UNC5D: variants seen among roughly 807,000 people sequenced by gnomAD.
The protein encoded by UNC5D is netrin receptor UNC5D.
In UNC5D, 39 loss-of-function variants were observed where a neutral mutation model predicts 105.4. The ratio of observed to expected loss-of-function variants is 0.37; its 90% CI spans 0.29 to 0.48. The LOEUF (loss-of-function observed/expected upper bound fraction) is 0.48. UNC5D is among the 20% of genes least tolerant of loss of function. The probability of loss-of-function intolerance (pLI) is 0.98; values close to 1 mark genes in which losing one functional copy is unlikely to be tolerated. For missense variants in UNC5D, 991 were observed against 1,202.4 expected, an observed-to-expected ratio of 0.82 and a Z score of 2.60; for synonymous variants, 452 against 450.4, an observed-to-expected ratio of 1.00 and a Z score of -0.04.
intron 4 of UNC5D, among the ~76,000 whole-genome samples, chr8:35,619,831 A>C (rs1291368407): frequency 6.6e-6 from 1 of 152,166 alleles, no homozygotes; most frequent in Non-Finnish European, 1.5e-5. Flanking sequence ...TAGCAAGTCC[A>C]GGTCTGTCTT....
At chr8:35,644,650 T>C (rs1433814395) in intron 4 of UNC5D, among the ~76,000 whole-genome samples, 1 of 152,150 alleles carries the variant, frequency 6.6e-6, no homozygotes, top group African/African-American at 2.4e-5. Flanking sequence ...ATCATGCAGG[T>C]TGTCTGCAGC....
chr8:35,587,965 A>AATATGTATATAT (rs1554567952), intron 3 of UNC5D, among the ~76,000 whole-genome samples: 1 of 105,116 alleles, frequency 9.5e-6, no homozygotes, highest in Non-Finnish European at 2.0e-5. Context: ...TAACTATAAT[A>AATATGTATATAT]ATATATATAT....
intron 1 of UNC5D, among the ~76,000 whole-genome samples, chr8:35,522,736 TG>T (rs1813576605): frequency 6.6e-6 from 1 of 152,230 alleles, no homozygotes; most frequent in Non-Finnish European, 1.5e-5. Context: ...AATGTGAAAC[TG>T]GATGATCTCT....
intron 1 of UNC5D, among the ~76,000 whole-genome samples, chr8:35,341,805 GTTAA>G (rs1811475301): frequency 6.6e-6 from 1 of 152,092 alleles, no homozygotes; most frequent in African/African-American, 2.4e-5. Flanking sequence ...GATGATCATA[GTTAA>G]TTCTGTTTCA....
chr8:35,473,662 C>G (rs1160870448), intron 1 of UNC5D, among the ~76,000 whole-genome samples: 2 of 152,112 alleles, frequency 1.3e-5, no homozygotes, highest in Admixed American at 6.5e-5. Context: ...TTGAAACCAC[C>G]AGGATGATTA....
intron 1 of UNC5D, among the ~76,000 whole-genome samples, chr8:35,258,599 T>C (rs1804241564): frequency 6.6e-6 from 1 of 152,108 alleles, no homozygotes; most frequent in Non-Finnish European, 1.5e-5. Context: ...AATTAATATA[T>C]GCAAAGTATT....
intron 4 of UNC5D, among the ~76,000 whole-genome samples, chr8:35,657,074 GTGTGTGTATATATATATATATATATATA>G (rs1173408333): frequency 2.4e-3 from 233 of 96,584 alleles, no homozygotes; most frequent in African/African-American, 0.01. Flanking sequence ...GTGTGTGTGT[GTGTGTGTATATATATATATATATATATA>G]TATATATATA....
At chr8:35,510,390 C>T (rs1463026035) in intron 1 of UNC5D, among the ~76,000 whole-genome samples, 3 of 151,046 alleles carry the variant, frequency 2.0e-5, no homozygotes, top group Non-Finnish European at 2.9e-5. Context: ...GAACAAAGAC[C>T]AAATATGTAT....
chr8:35,410,719 C>G (rs761655442), intron 1 of UNC5D, among the ~76,000 whole-genome samples: 31 of 152,034 alleles, frequency 2.0e-4, no homozygotes, highest in Non-Finnish European at 4.1e-4. Context: ...CATATCAATA[C>G]TGCAGTGATG....
intron 4 of UNC5D, among the ~76,000 whole-genome samples, chr8:35,620,665 A>G (rs906151265): frequency 6.6e-6 from 1 of 152,140 alleles, no homozygotes; most frequent in Non-Finnish European, 1.5e-5. Context: ...TGCTGAGACC[A>G]TTATTTCTTT....
At chr8:35,425,602 C>T (rs1806195460) in intron 1 of UNC5D, among the ~76,000 whole-genome samples, 1 of 152,164 alleles carries the variant, frequency 6.6e-6, no homozygotes, top group African/African-American at 2.4e-5. Context: ...GTCAAATTGA[C>T]TTGCTCAAGG....
intron 1 of UNC5D, among the ~76,000 whole-genome samples, chr8:35,455,506 T>C (rs2128994032): frequency 6.6e-6 from 1 of 152,204 alleles, no homozygotes; most frequent in East Asian, 1.9e-4. Context: ...CTTGAACTCC[T>C]GATCTCAGGT....
chr8:35,693,375 G>C (rs1356253423), intron 7 of UNC5D, among the ~76,000 whole-genome samples: 4 of 152,016 alleles, frequency 2.6e-5, no homozygotes, highest in African/African-American at 9.7e-5. Context: ...CTATTTTTAT[G>C]CCTTGTTAAT....
At chr8:35,729,647 T>A (rs1829082240) in intron 10 of UNC5D, among the ~76,000 whole-genome samples, 1 of 152,172 alleles carries the variant, frequency 6.6e-6, no homozygotes. Flanking sequence ...GCAACTTGTG[T>A]TTAGCAGCAG....
chr8:35,772,966 G>A (rs1290049349), intron 15 of UNC5D, among the ~76,000 whole-genome samples: 1 of 151,962 alleles, frequency 6.6e-6, no homozygotes, highest in African/African-American at 2.4e-5. Context: ...TCATAGACTG[G>A]CTGTTTGCTT....
chr8:35,741,499 G>T (rs1295545573), intron 11 of UNC5D, among the ~76,000 whole-genome samples: 1 of 152,208 alleles, frequency 6.6e-6, no homozygotes, highest in African/African-American at 2.4e-5. Context: ...CTGCCCCTAT[G>T]AATGGACTAT....
rs140504228 is a variant in UNC5D, at chr8:35,595,654, C to T, written c.567C>T (p.Ala189=). 4.3e-5 allele frequency: 70 copies of T among 1,613,708 alleles called. No individual in the cohort carries two copies. Among genetic ancestry groups the T allele is most frequent in the South Asian group, 9.9e-5 (9 of 91,064 alleles). ...HCRPPEGVPA[A]EVEWLKNEEP... ...GCCCACCAGAGGGAGTCCCTGCTGC[C>T]GAGGTAAGACAGGATCCTGGGACCA... The change falls in exon 4 of 17, where the codon GCC becomes GCT. Residue 189 remains alanine, a synonymous_variant. Transcript: ENST00000404895.
chr8:35,466,548 T>A (rs1809316463), intron 1 of UNC5D, among the ~76,000 whole-genome samples: 1 of 152,132 alleles, frequency 6.6e-6, no homozygotes, highest in Non-Finnish European at 1.5e-5. Flanking sequence ...AGCTTTAGAG[T>A]CCTAAATGCC....
chr8:35,492,233 T>C (rs1290464874), intron 1 of UNC5D, among the ~76,000 whole-genome samples: 1 of 152,084 alleles, frequency 6.6e-6, no homozygotes, highest in African/African-American at 2.4e-5. Flanking sequence ...CTACAGCTAA[T>C]AATCACTAAG....
Sources: gnomAD v4.1 joint callset for allele counts (sites outside exome capture counted in the v4.1 genomes callset) on GRCh38, gnomAD v4.1.1 for gene constraint, MANE v1.5 for transcripts, NCBI Gene and HGNC (gene_info 2026-07-23, HGNC 2026-07-21) for gene names.